The following SORCS1 variants were observed in gnomAD, a reference collection of about 807,000 sequenced individuals.
SORCS1 encodes sortilin related VPS10 domain containing receptor 1, also known as VPS10 domain-containing receptor SorCS1.
A neutral mutation model predicts 146.1 loss-of-function variants in SORCS1; 60 were observed. That is an observed-to-expected ratio of 0.41 (90% confidence interval 0.33 to 0.51). The LOEUF is 0.51. SORCS1 is among the 20% of genes least tolerant of loss of function. The probability of loss-of-function intolerance (pLI) is 0.21; values close to 1 mark genes in which losing one functional copy is unlikely to be tolerated. For missense variants in SORCS1, 1,352 were observed against 1,487.6 expected (o/e 0.91, Z 1.50); for synonymous variants, 637 against 584.0 (o/e 1.09, Z -1.31).
intron 3 of SORCS1, among the ~76,000 whole-genome samples, chr10:106,800,539 TAAGATGGAG>T (rs1946813912): frequency 1.6e-5 from 2 of 122,364 alleles, no homozygotes; most frequent in Admixed American, 8.4e-5. Context: ...TTTTTTTTTT[TAAGATGGAG>T]TCTTGCTCTG....
intron 10 of SORCS1, among the ~76,000 whole-genome samples, chr10:106,683,814 C>A (rs1420220043): frequency 6.6e-6 from 1 of 152,160 alleles, no homozygotes; most frequent in Non-Finnish European, 1.5e-5. Context: ...TAATTTCTTT[C>A]TTTGAGTTGG....
chr10:106,722,209 C>T (rs918718337), intron 6 of SORCS1, among the ~76,000 whole-genome samples: 2 of 150,420 alleles, frequency 1.3e-5, no homozygotes, highest in Non-Finnish European at 1.5e-5. Flanking sequence ...TTATTGTTAT[C>T]ATTGCTATTT....
At chr10:107,038,389 C>T (rs762284668) in intron 1 of SORCS1, among the ~76,000 whole-genome samples, 68 of 17,744 alleles carry the variant, frequency 3.8e-3, no homozygotes, top group South Asian at 9.0e-3. Context: ...AGAGGACTGT[C>T]GTGGGGTGGG....
In SORCS1 at chr10:106,798,113, C is replaced by T. The variant is rs139311510; in HGVS notation, c.727-21421G>A. Among the ~76,000 whole-genome samples the T allele has an allele frequency of 3.3e-3, 507 of 152,162 alleles. 1 individual carries two copies. The highest frequency in any genetic ancestry group is 0.015 in the East Asian group (75 of 5,162). ...CTTCTCCATGCTGTTCTTGTGATAG[C>T]GAATAAGTCTCACGAGATCTGATGG... On this transcript the variant is annotated intron_variant, in intron 3 of 25. Transcript: ENST00000263054.
At chr10:107,145,618 T>C (rs1280014048) in intron 1 of SORCS1, among the ~76,000 whole-genome samples, 2 of 152,154 alleles carry the variant, frequency 1.3e-5, no homozygotes, top group African/African-American at 2.4e-5. Context: ...CTAAAAATAA[T>C]AAAGTCCATT....
intron 1 of SORCS1, among the ~76,000 whole-genome samples, chr10:107,161,242 C>T (rs182877831): frequency 3.9e-5 from 6 of 152,306 alleles, no homozygotes; most frequent in Admixed American, 3.3e-4. Flanking sequence ...ACCTTGAATG[C>T]AGGTGTTGTC....
intron 5 of SORCS1, among the ~76,000 whole-genome samples, chr10:106,748,932 A>C (rs1857945519): frequency 6.6e-6 from 1 of 152,202 alleles, no homozygotes; most frequent in African/African-American, 2.4e-5. Context: ...AAATATACAT[A>C]ATGTGGCATA....
intron 19 of SORCS1, among the ~76,000 whole-genome samples, chr10:106,625,589 C>T (rs974267297): frequency 1.3e-5 from 2 of 152,060 alleles, no homozygotes; most frequent in African/African-American, 4.8e-5. Context: ...TCTAGTCTGA[C>T]GTTTGCTGGT....
In SORCS1 at chr10:106,740,893, C is replaced by A. The variant is rs545502551; in HGVS notation, c.960-10779G>T. 2.6e-5 allele frequency among the ~76,000 whole-genome samples: 4 copies of A among 152,322 alleles called. No individual in the cohort carries two copies. The South Asian group carries it at 6.2e-4, about 24-fold the overall frequency. ...AAGGGCATAGAGCTAATAAAAGATACAATCAGACTGGAACCTAGGCATTCT... is the reference window on the plus strand; with the variant it reads ...AAGGGCATAGAGCTAATAAAAGATAAAATCAGACTGGAACCTAGGCATTCT... On this transcript the variant is annotated intron_variant, in intron 5 of 25. Coordinates refer to ENST00000263054, the MANE Select transcript of SORCS1 (RefSeq NM_052918.5).
chr10:106,614,593 T>C (rs561075222), intron 21 of SORCS1, among the ~76,000 whole-genome samples: 1 of 133,620 alleles, frequency 7.5e-6, no homozygotes, highest in South Asian at 2.8e-4. Context: ...CACTTCTTGC[T>C]ATGAAGATTT....
At position 106,611,952 on chromosome 10, in the gene SORCS1, T is replaced by C. The variant is rs757837242; in HGVS notation, c.2992A>G (p.Arg998Gly). ...TTGATGACTCGACCGATGTCCCTCC[T>C]CCACTCAGGGATGTCCGGGTTGTAG... is the stretch of plus-strand genomic sequence containing the variant. ...DDYNPDIPEW[R>G]RDIGRVIKKS... Residue 998 changes from arginine (R) to glycine (G), a missense_variant, in exon 22 of 26, where the codon AGG becomes GGG. Physicochemically the swap from Arg to Gly is moderately radical, Grantham distance 125. Around this residue, in one of 3 missense-constraint regions of SORCS1, gnomAD observed 648 missense variants for 793.8 expected, o/e 0.82. Transcript: ENST00000263054. 5.6e-6 allele frequency: 9 copies of C among 1,614,098 alleles called. No homozygotes were observed. Among genetic ancestry groups the C allele is most frequent in the South Asian group, 3.3e-5 (3 of 91,074 alleles).
At chr10:107,120,908 A>G (rs1202492365) in intron 1 of SORCS1, among the ~76,000 whole-genome samples, 2 of 152,218 alleles carry the variant, frequency 1.3e-5, no homozygotes, top group African/African-American at 4.8e-5. Flanking sequence ...AAAGCAAGAA[A>G]AAATGATCTA....
intron 1 of SORCS1, among the ~76,000 whole-genome samples, chr10:107,075,675 G>A (rs1322664908): frequency 6.6e-6 from 1 of 152,018 alleles, no homozygotes; most frequent in Non-Finnish European, 1.5e-5. Flanking sequence ...GTCTAAATTT[G>A]TACCTTTCAA....
At chr10:107,007,752 G>C (rs1051618906) in intron 1 of SORCS1, among the ~76,000 whole-genome samples, 2 of 152,198 alleles carry the variant, frequency 1.3e-5, no homozygotes, top group African/African-American at 4.8e-5. Flanking sequence ...CCTTCTAGTA[G>C]AGAATACACT....
At chr10:106,855,616 A>T (rs1336654977) in intron 2 of SORCS1, among the ~76,000 whole-genome samples, 1 of 152,104 alleles carries the variant, frequency 6.6e-6, no homozygotes, top group Non-Finnish European at 1.5e-5. Flanking sequence ...TTGAGGCATC[A>T]TCAATTTCAG....
At chr10:106,975,622 TCA>T (rs1955959272) in intron 1 of SORCS1, among the ~76,000 whole-genome samples, 1 of 152,224 alleles carries the variant, frequency 6.6e-6, no homozygotes, top group Non-Finnish European at 1.5e-5. Flanking sequence ...AATCTGATTG[TCA>T]CTCTCCTCTT....
chr10:106,645,790 C>T (rs1212933947), intron 18 of SORCS1, among the ~76,000 whole-genome samples: 1 of 151,208 alleles, frequency 6.6e-6, no homozygotes, highest in Non-Finnish European at 1.5e-5. Context: ...GTAATAATAC[C>T]TTTTCAATAA....
At chr10:106,934,695 A>G (rs1953617020) in intron 2 of SORCS1, among the ~76,000 whole-genome samples, 1 of 152,250 alleles carries the variant, frequency 6.6e-6, no homozygotes, top group Non-Finnish European at 1.5e-5. Flanking sequence ...TATAAAGAAA[A>G]TGTGGTATAT....
At chr10:106,695,093 C>A (rs1853594573) in intron 9 of SORCS1, among the ~76,000 whole-genome samples, 1 of 152,114 alleles carries the variant, frequency 6.6e-6, no homozygotes, top group African/African-American at 2.4e-5. Context: ...GCATGATGCA[C>A]ACGATGCACC....
Sources: gnomAD v4.1 joint callset for allele counts (sites outside exome capture counted in the v4.1 genomes callset) on GRCh38, gnomAD v4.1.1 for gene constraint, gnomAD v4.1.1 regional missense constraint, MANE v1.5 for transcripts, NCBI Gene and HGNC (gene_info 2026-07-23, HGNC 2026-07-21) for gene names.